The following CYP11A1 variants were observed in gnomAD, a reference collection of about 807,000 sequenced individuals.
CYP11A1 encodes the protein cytochrome P450 family 11 subfamily A member 1.
A neutral mutation model predicts 51.9 loss-of-function variants in CYP11A1; 25 were observed. The ratio of observed to expected loss-of-function variants is 0.48; its 90% CI spans 0.35 to 0.67. The LOEUF is 0.67. CYP11A1 is among the 30% of genes least tolerant of loss of function. The probability of loss-of-function intolerance (pLI) is 0.00; values close to 1 mark genes in which losing one functional copy is unlikely to be tolerated. For synonymous variants in CYP11A1, 245 were observed against 262.1 expected, an observed-to-expected ratio of 0.93 and a Z score of 0.63; for missense variants, 578 against 680.9, an observed-to-expected ratio of 0.85 and a Z score of 1.68.
At position 74,351,330 on chromosome 15, in the gene CYP11A1, T is replaced by C. The variant is rs140144836; in HGVS notation, c.270-3275A>G. Among the ~76,000 whole-genome samples the C allele has an allele frequency of 2.8e-3, 425 of 152,310 alleles. 2 individuals are homozygous for C. The highest frequency in any genetic ancestry group is 6.8e-3 in the Middle Eastern group (2 of 292). ...AAGCGGGAGGGACTTTTTTTAAAAA[T>C]CTTTTTTGCCTATGGTTCCTGATCC... On this transcript the variant is annotated intron_variant, in intron 1 of 8. Transcript: ENST00000268053.
At position 74,343,923 on chromosome 15, in the gene CYP11A1, C is replaced by T. The variant is rs754009413; in HGVS notation, c.695G>A (p.Arg232Gln). 4 of 1,614,142 alleles carry T rather than the reference C, an allele frequency of 2.5e-6. No homozygotes were observed. The highest frequency in any genetic ancestry group is 1.3e-5 in the African/African-American group (1 of 75,044). The change falls in exon 4 of 9, where the codon CGA becomes CAA. Residue 232 changes from arginine to glutamine, a missense_variant. Transcript: ENST00000268053. The part of the protein sequence containing the change: ...LEEVVNPEAQ[R>Q]FIDAIYQMFH... ...CATCTGGTAGATGGCATCAATGAAT[C>T]GCTGGGCCTCGGGGTTCACTACTTC...
At chr15:74,349,331 C>T (rs1206020421) in intron 1 of CYP11A1, among the ~76,000 whole-genome samples, 3 of 152,238 alleles carry the variant, frequency 2.0e-5, no homozygotes, top group Non-Finnish European at 2.9e-5. Context: ...TTAAGATACA[C>T]TTTTAGGCAA....
rs1364613965 is a variant in CYP11A1, at chr15:74,344,012, C to G, written c.626-20G>C. ...TGATGGCTGCAGGGAGAGGAAGAGG[C>G]TGAGGAGCCATTTCTGACGGGGCCA... On this transcript the variant is annotated intron_variant, in intron 3 of 8. Coordinates refer to ENST00000268053, the MANE Select transcript of CYP11A1 (RefSeq NM_000781.3). 6 of 1,611,690 alleles carry G rather than the reference C, an allele frequency of 3.7e-6. No individual in the cohort carries two copies. Among genetic ancestry groups the G allele is most frequent in the Non-Finnish European group, 5.1e-6 (6 of 1,178,344 alleles).
rs34304260 is a variant in CYP11A1, at chr15:74,352,264, C to CTTTT, written c.270-4213_270-4210dup. The stretch of plus-strand genomic sequence containing the variant: ...TGAATTTTATGTTTGTCTTTGCTAT[C>CTTTT]TTTTTTTTTTTTTTTTTTTTTTTGA... On this transcript the variant is annotated intron_variant, in intron 1 of 8. Transcript: ENST00000268053. Among the ~76,000 whole-genome samples the CTTTT allele has an allele frequency of 3.3e-3, 288 of 86,074 alleles. 1 individual carries two copies. Among genetic ancestry groups the CTTTT allele is most frequent in the East Asian group, 5.6e-3 (17 of 3,024 alleles). The allele number at this position is 86,074 out of a possible 152,430, so 56.5% of individuals were successfully genotyped here. A position where few individuals can be genotyped will look rare whatever the true frequency, so the allele number is the denominator to read the frequency against.
chr15:74,365,844 C>A, intron 1 of CYP11A1: 2 of 985,658 alleles, frequency 2.0e-6, no homozygotes, highest in Non-Finnish European at 2.4e-6. Context: ...AAACGCATAC[C>A]GGGTCGCTCC....
intron 1 of CYP11A1, among the ~76,000 whole-genome samples, chr15:74,348,553 A>G (rs1248918642): frequency 6.6e-6 from 1 of 152,218 alleles, no homozygotes; most frequent in East Asian, 1.9e-4. Context: ...AATCCCTGTC[A>G]GACTCTACAA....
intron 1 of CYP11A1, chr15:74,366,125 G>C (rs924665250): frequency 1.0e-6 from 1 of 985,566 alleles, no homozygotes; most frequent in East Asian, 1.1e-4. Context: ...GGAGCAGGCC[G>C]GGGGCCACGC....
rs374425401 is a variant in CYP11A1, at chr15:74,345,142, C to T, written c.527G>A (p.Arg176Gln). The change falls in exon 3 of 9, where the codon CGG becomes CAG. Residue 176 changes from arginine (R) to glutamine (Q), a missense_variant. Coordinates refer to ENST00000268053, the MANE Select transcript of CYP11A1 (RefSeq NM_000781.3). This position sits in a 1 kb window ranked among gnomAD's most constrained non-coding sequence, Gnocchi z 4.3. ...NFLPLLDAVS[R>Q]DFVSVLHRRI... ...CCTGTGCAGGACACTGACGAAGTCC[C>T]GAGACACTGCATCCAACAGGGGCAA... The T allele has an allele frequency of 4.3e-6, 7 of 1,614,024 alleles. No individual in the cohort carries two copies. The highest frequency in any genetic ancestry group is 3.3e-5 in the South Asian group (3 of 91,052).
intron 2 of CYP11A1, among the ~76,000 whole-genome samples, chr15:74,346,866 T>C (rs1357788248): frequency 6.7e-6 from 1 of 150,290 alleles, no homozygotes. Context: ...AGTGGTGCCA[T>C]CTCTCGTCAC....
chr15:74,347,320 G>C (rs1173486675), intron 2 of CYP11A1, among the ~76,000 whole-genome samples: 4 of 152,018 alleles, frequency 2.6e-5, no homozygotes, highest in Non-Finnish European at 5.9e-5. Flanking sequence ...GAGGTGGGAG[G>C]ATCACCTGTG....
At chr15:74,353,287 C>A (rs965130316) in intron 1 of CYP11A1, among the ~76,000 whole-genome samples, 14 of 152,184 alleles carry the variant, frequency 9.2e-5, no homozygotes, top group Non-Finnish European at 1.8e-4. Context: ...ATAAAATATT[C>A]TTTAAAACCT....
intron 3 of CYP11A1, 147 bp downstream of exon 3, chr15:74,344,897 C>T (rs1203755297): frequency 1.2e-6 from 1 of 804,782 alleles, no homozygotes; most frequent in Admixed American, 2.0e-5. Flanking sequence ...CTCTGAGTAG[C>T]AGGCAGTGGA....
chr15:74,354,319 C>A (rs2060667828), intron 1 of CYP11A1: 1 of 152,096 alleles, frequency 6.6e-6, no homozygotes, highest in African/African-American at 2.4e-5. Flanking sequence ...CTCAAAAGCT[C>A]CCCCACTGAG....
rs560897413 is a variant in CYP11A1, at chr15:74,353,833, G to A, written c.270-5778C>T. Among the ~76,000 whole-genome samples, 27 of 152,212 alleles carry A rather than the reference G, an allele frequency of 1.8e-4. No homozygotes were observed. In the East Asian group the frequency reaches 3.7e-3, roughly 21 times the overall value. On this transcript the variant is annotated intron_variant, in intron 1 of 8. Transcript: ENST00000268053. ...GTGGAAGGTTTTCATTTAGTTCTGTGTTCCTGTGCATTTCTAGCAAGTCAT... is the reference window on the plus strand; with the variant it reads ...GTGGAAGGTTTTCATTTAGTTCTGTATTCCTGTGCATTTCTAGCAAGTCAT...
At chr15:74,341,478 T>C (rs144645739) in intron 5 of CYP11A1, among the ~76,000 whole-genome samples, 2 of 152,304 alleles carry the variant, frequency 1.3e-5, no homozygotes, top group Non-Finnish European at 2.9e-5. Flanking sequence ...GAAATGCTAT[T>C]CCTTCTCTCT....
intron 1 of CYP11A1, chr15:74,356,254 T>C (rs1478167593): frequency 6.6e-6 from 1 of 152,228 alleles, no homozygotes; most frequent in Non-Finnish European, 1.5e-5. Context: ...AGCCTGGGAT[T>C]CCTCCTAAGC....
At chr15:74,346,277 C>G (rs1010742889) in intron 2 of CYP11A1, among the ~76,000 whole-genome samples, 4 of 144,634 alleles carry the variant, frequency 2.8e-5, no homozygotes, top group Non-Finnish European at 4.5e-5. Context: ...CACTTGAACC[C>G]GGGAGGCGGA....
At chr15:74,348,271 A>G in intron 1 of CYP11A1, 1 of 587,868 alleles carries the variant, frequency 1.7e-6, no homozygotes, top group Non-Finnish European at 3.0e-6. Context: ...TAGGAAGTAT[A>G]TGGATGTGAC....
intron 3 of CYP11A1, among the ~76,000 whole-genome samples, chr15:74,344,249 C>A (rs969707347): frequency 2.0e-5 from 3 of 152,192 alleles, no homozygotes; most frequent in African/African-American, 7.2e-5. Context: ...GCAGGGTCTC[C>A]AGCAGAGCTG....
Sources: allele counts gnomAD v4.1 joint callset (sites outside exome capture counted in the v4.1 genomes callset), GRCh38; gene constraint gnomAD v4.1.1; non-coding constraint Gnocchi (gnomAD v3.1); transcripts MANE v1.5; gene names NCBI Gene and HGNC (gene_info 2026-07-23, HGNC 2026-07-21).